Variants in MAPKAP1 observed in about 807,000 individuals in gnomAD.
MAPKAP1 encodes the protein MAPK associated protein 1.
In MAPKAP1, 20 loss-of-function variants were observed where a neutral mutation model predicts 65.7. The ratio of observed to expected loss-of-function variants is 0.30; its 90% CI spans 0.21 to 0.44. The LOEUF is 0.44. Ranked by LOEUF, MAPKAP1 falls within the 20% of genes least tolerant of loss-of-function variation. MAPKAP1 has a pLI of 1.00. For missense variants in MAPKAP1, 423 were observed against 648.0 expected (o/e 0.65, Z 3.77); for synonymous variants, 222 against 244.3 (o/e 0.91, Z 0.85).
intron 7 of MAPKAP1, among the ~76,000 whole-genome samples, chr9:125,527,065 TTTG>T (rs1216394098): frequency 4.9e-4 from 20 of 40,732 alleles, no homozygotes; most frequent in South Asian, 2.3e-3. Context: ...TAGTGTTTTT[TTTG>T]TTTGTTTTTT....
At chr9:125,476,542 G>C (rs1438695254) in intron 9 of MAPKAP1, among the ~76,000 whole-genome samples, 1 of 149,974 alleles carries the variant, frequency 6.7e-6, no homozygotes, top group Non-Finnish European at 1.5e-5. Context: ...TACTCCACAG[G>C]TACCCCACTG....
At chr9:125,534,003 C>T (rs516576) in intron 7 of MAPKAP1, among the ~76,000 whole-genome samples, 141,034 of 152,262 alleles carry the variant, frequency 0.93, 66,164 homozygotes, top group East Asian at 1. Flanking sequence ...GCTTATGACA[C>T]ATTGAGTTAA....
At chr9:125,649,894 T>C (rs1385264829) in intron 4 of MAPKAP1, among the ~76,000 whole-genome samples, 1 of 152,152 alleles carries the variant, frequency 6.6e-6, no homozygotes, top group African/African-American at 2.4e-5. Context: ...TGGGCTGTCA[T>C]TTGATTTCTC....
rs376384118 is a variant in MAPKAP1 at position 125,697,837 on chromosome 9, C to T, written c.-70+9134G>A. 2.0e-5 allele frequency among the ~76,000 whole-genome samples: 3 copies of T among 152,242 alleles called. No individual in the cohort carries two copies. The East Asian group carries it at 5.8e-4, about 29-fold the overall frequency. On this transcript the variant is annotated intron_variant, in intron 1 of 11. Coordinates refer to ENST00000265960, the MANE Select transcript of MAPKAP1 (RefSeq NM_001006617.3). ...TATGAGTAACCATCTTACCATCTTACCACCAATCTTTATTATCAATGAGTA... is the reference window on the plus strand; with the variant it reads ...TATGAGTAACCATCTTACCATCTTATCACCAATCTTTATTATCAATGAGTA...
chr9:125,611,456 T>C (rs1489145495), intron 4 of MAPKAP1, among the ~76,000 whole-genome samples: 3 of 152,172 alleles, frequency 2.0e-5, no homozygotes, highest in African/African-American at 7.2e-5. Flanking sequence ...CACATTCTGA[T>C]AGGTGTAGCT....
chr9:125,653,725 A>G (rs530744167), intron 4 of MAPKAP1, among the ~76,000 whole-genome samples: 58 of 152,312 alleles, frequency 3.8e-4, no homozygotes, highest in African/African-American at 1.4e-3. Context: ...AGGCTTTACT[A>G]CAGAATAGGT....
intron 1 of MAPKAP1, among the ~76,000 whole-genome samples, chr9:125,689,194 T>C (rs535108149): frequency 1.1e-3 from 170 of 151,822 alleles, no homozygotes; most frequent in Non-Finnish European, 2.0e-3. Context: ...TCCCAGCACT[T>C]TGGGAGGCCG....
At chr9:125,536,957 G>T (rs565794181) in intron 7 of MAPKAP1, among the ~76,000 whole-genome samples, 2 of 152,306 alleles carry the variant, frequency 1.3e-5, no homozygotes, top group South Asian at 2.1e-4. Flanking sequence ...ATTACAAAAA[G>T]AATTCCTGGC....
At position 125,580,698 on chromosome 9, in the gene MAPKAP1, T is replaced by C. The variant is rs966929150; in HGVS notation, c.671+4857A>G. 2.0e-5 allele frequency among the ~76,000 whole-genome samples: 3 copies of C among 151,860 alleles called. No homozygotes were observed. In the South Asian group the frequency reaches 6.3e-4, roughly 32 times the overall value. ...TTAAAAGTATAAAAAAAAAAAAGAC[T>C]ATAGACATTACTCACTTTTCACCAG... On this transcript the variant is annotated intron_variant, in intron 5 of 11. Coordinates refer to ENST00000265960, the MANE Select transcript of MAPKAP1 (RefSeq NM_001006617.3).
chr9:125,483,048 C>A (rs117075008), intron 9 of MAPKAP1, among the ~76,000 whole-genome samples: 7 of 152,158 alleles, frequency 4.6e-5, no homozygotes, highest in African/African-American at 1.7e-4. Flanking sequence ...CCTGGGCCTC[C>A]GACTCCTGAG....
intron 6 of MAPKAP1, among the ~76,000 whole-genome samples, chr9:125,557,371 C>T (rs1830766161): frequency 1.3e-5 from 2 of 151,950 alleles, no homozygotes; most frequent in African/African-American, 4.8e-5. Flanking sequence ...AATAAAAATG[C>T]AAGTAAAAAC....
chr9:125,552,674 C>T (rs939609443), intron 6 of MAPKAP1, among the ~76,000 whole-genome samples: 2 of 152,112 alleles, frequency 1.3e-5, no homozygotes, highest in Admixed American at 6.5e-5. Flanking sequence ...GTAACACTTC[C>T]TACATGCCAG....
chr9:125,676,878 T>G (rs1313000416), intron 1 of MAPKAP1, among the ~76,000 whole-genome samples: 1 of 152,248 alleles, frequency 6.6e-6, no homozygotes, highest in African/African-American at 2.4e-5. Flanking sequence ...TTCTTCTTGC[T>G]GTTTCATCAC....
intron 10 of MAPKAP1, among the ~76,000 whole-genome samples, chr9:125,456,901 T>C (rs13287525): frequency 0.35 from 52,678 of 152,064 alleles, 9,444 homozygotes; most frequent in Non-Finnish European, 0.4. Flanking sequence ...TTTAAGCCAC[T>C]ATGTTTTGGG....
chr9:125,521,649 G>A (rs1185537963), intron 7 of MAPKAP1: 42 of 1,537,852 alleles, frequency 2.7e-5, no homozygotes, highest in South Asian at 1.2e-4. Context: ...AGAATTTCCC[G>A]TGATGGCAAA....
At chr9:125,625,257 A>AAAAAAAAAAAAAAAAAAAATAAATT (rs1833077779) in intron 4 of MAPKAP1, among the ~76,000 whole-genome samples, 1 of 64,044 alleles carries the variant, frequency 1.6e-5, no homozygotes, top group Non-Finnish European at 3.1e-5. Context: ...TAAATAAATA[A>AAAAAAAAAAAAAAAAAAAATAAATT]AAAAAAAAAA....
At position 125,672,521 on chromosome 9, in the gene MAPKAP1, A is replaced by AT; in HGVS notation, c.53dup (p.His18GlnfsTer5). ...ACATTCCCGTGTCATCACTGGTCACATGTGACTGTCGAATATGAGCTAGAA... is the reference window on the plus strand; with the variant it reads ...ACATTCCCGTGTCATCACTGGTCACATTGTGACTGTCGAATATGAGCTAGAA... On this transcript the variant is annotated frameshift_variant, in exon 2 of 12. Transcript: ENST00000265960. LOFTEE classifies it high-confidence loss of function. The AT allele has an allele frequency of 6.2e-7, 1 of 1,614,196 alleles. No homozygotes were observed. Among genetic ancestry groups the AT allele is most frequent in the Non-Finnish European group, 8.5e-7 (1 of 1,180,008 alleles).
chr9:125,503,893 T>TTTTTTG (rs1487598098), intron 8 of MAPKAP1, among the ~76,000 whole-genome samples: 1 of 133,478 alleles, frequency 7.5e-6, no homozygotes, highest in East Asian at 2.1e-4. Flanking sequence ...TTTTTTTTTT[T>TTTTTTG]TTTTTTTTTT....
intron 5 of MAPKAP1, among the ~76,000 whole-genome samples, chr9:125,577,631 C>A (rs1227282576): frequency 2.4e-5 from 2 of 82,872 alleles, no homozygotes; most frequent in Non-Finnish European, 4.8e-5. Flanking sequence ...CAGCCCCCCG[C>A]CCGGCCAGCC....
Sources: allele counts gnomAD v4.1 joint callset (sites outside exome capture counted in the v4.1 genomes callset), GRCh38; gene constraint gnomAD v4.1.1; transcripts MANE v1.5; gene names NCBI Gene and HGNC (gene_info 2026-07-23, HGNC 2026-07-21).